DPP6: variants seen among roughly 807,000 people sequenced by gnomAD.
DPP6 encodes A-type potassium channel modulatory protein DPP6.
Under a neutral mutation model 122.6 loss-of-function variants are expected in DPP6, and 69 were observed. The observed-to-expected ratio is 0.56, with a 90% CI of 0.46 to 0.69. The LOEUF is 0.69. DPP6 is among the 30% of genes least tolerant of loss of function. The pLI, the probability that DPP6 is intolerant of heterozygous loss-of-function variation, is 0.00. For synonymous variants in DPP6, 418 were observed against 433.1 expected (o/e 0.97, Z 0.43); for missense variants, 928 against 1,116.9 (o/e 0.83, Z 2.41).
intron 7 of DPP6, among the ~76,000 whole-genome samples, chr7:154,699,785 T>A (rs1403131083): frequency 6.6e-6 from 1 of 152,232 alleles, no homozygotes; most frequent in Non-Finnish European, 1.5e-5. Context: ...GTTCTGCCCC[T>A]TATGGGCAGG....
chr7:154,792,970 C>A (rs1797782814), intron 10 of DPP6, among the ~76,000 whole-genome samples: 1 of 152,180 alleles, frequency 6.6e-6, no homozygotes, highest in Admixed American at 6.5e-5. Context: ...TTATTAAGAA[C>A]CTTGATTAAC....
At chr7:154,792,954 G>A (rs1797781886) in intron 10 of DPP6, among the ~76,000 whole-genome samples, 5 of 152,196 alleles carry the variant, frequency 3.3e-5, no homozygotes, top group Admixed American at 3.3e-4. Flanking sequence ...CCTGATTTAG[G>A]TCAAGTTATT....
At chr7:153,923,520 G>A (rs1332865127) in intron 1 of DPP6, among the ~76,000 whole-genome samples, 6 of 152,096 alleles carry the variant, frequency 3.9e-5, no homozygotes, top group African/African-American at 1.2e-4. Context: ...CCAGCACTTT[G>A]GGAGGCCAAG....
chr7:154,540,678 T>A, intron 4 of DPP6, 52 bp downstream of exon 4: 1 of 1,122,800 alleles, frequency 8.9e-7, no homozygotes, highest in Non-Finnish European at 1.3e-6. Context: ...TTCCTGCAAG[T>A]CAATAAAACA....
intron 1 of DPP6, among the ~76,000 whole-genome samples, chr7:154,178,122 A>G (rs1377641482): frequency 6.6e-6 from 1 of 152,218 alleles, no homozygotes; most frequent in African/African-American, 2.4e-5. Context: ...GTAAGTTGTC[A>G]TGACACTTCA....
At chr7:154,463,269 A>G (rs1449808447) in intron 2 of DPP6, among the ~76,000 whole-genome samples, 10 of 129,600 alleles carry the variant, frequency 7.7e-5, no homozygotes, top group Non-Finnish European at 1.2e-4. Flanking sequence ...GTGCAGTGGC[A>G]CGATCTCGAC....
At chr7:154,085,285 G>A (rs953441650) in intron 1 of DPP6, among the ~76,000 whole-genome samples, 9 of 151,848 alleles carry the variant, frequency 5.9e-5, no homozygotes, top group Non-Finnish European at 7.4e-5. Context: ...ATATCCCATC[G>A]CCACTCTCAA....
At chr7:154,865,273 T>TCATTTGACCCA (rs1402530065) in intron 17 of DPP6, 1 of 152,340 alleles carries the variant, frequency 6.6e-6, no homozygotes, top group Non-Finnish European at 1.5e-5. Flanking sequence ...GTCACTTCCA[T>TCATTTGACCCA]CATTTGACCC....
chr7:154,525,208 A>G (rs1228534316), intron 3 of DPP6, among the ~76,000 whole-genome samples: 1 of 152,228 alleles, frequency 6.6e-6, no homozygotes, highest in Admixed American at 6.5e-5. Flanking sequence ...CGGTGGCACA[A>G]TCATAGCTCA....
intron 3 of DPP6, among the ~76,000 whole-genome samples, chr7:154,539,355 T>C (rs917136130): frequency 2.6e-5 from 4 of 152,210 alleles, no homozygotes. Context: ...AGTCTACTCA[T>C]GTGCTTACTT....
intron 1 of DPP6, among the ~76,000 whole-genome samples, chr7:154,345,315 A>G (rs955975599): frequency 9.2e-5 from 14 of 152,144 alleles, no homozygotes; most frequent in African/African-American, 3.4e-4. Flanking sequence ...TTACCACCTG[A>G]TACCATCCCA....
intron 1 of DPP6, among the ~76,000 whole-genome samples, chr7:154,064,035 G>C (rs1180784005): frequency 6.6e-6 from 1 of 152,092 alleles, no homozygotes; most frequent in Non-Finnish European, 1.5e-5. Flanking sequence ...AGGAGTTATT[G>C]CAACCCAGCT....
chr7:154,604,275 G>A (rs1451717489), intron 5 of DPP6, among the ~76,000 whole-genome samples: 1 of 119,360 alleles, frequency 8.4e-6, no homozygotes, highest in Admixed American at 9.4e-5. Context: ...TTTCTCTTCT[G>A]TTCTATTTAT....
At chr7:154,667,024 C>A (rs977468662) in intron 6 of DPP6, among the ~76,000 whole-genome samples, 2 of 152,170 alleles carry the variant, frequency 1.3e-5, no homozygotes, top group Non-Finnish European at 2.9e-5. Context: ...TTTTCCAAGT[C>A]TCATAGGTGA....
chr7:154,112,251 G>C (rs1187222225), intron 1 of DPP6, among the ~76,000 whole-genome samples: 2 of 151,998 alleles, frequency 1.3e-5, no homozygotes, highest in East Asian at 3.9e-4. Context: ...GTGAAAGAGA[G>C]ATCAGATATC....
At chr7:154,634,419 T>C (rs11977581) in intron 5 of DPP6, among the ~76,000 whole-genome samples, 10,403 of 152,012 alleles carry the variant, frequency 0.068, 1,166 homozygotes, top group African/African-American at 0.24. Context: ...CATTGTTGGA[T>C]ATTTGGGTTG....
intron 6 of DPP6, among the ~76,000 whole-genome samples, chr7:154,639,042 G>A (rs1447281571): frequency 6.6e-6 from 1 of 152,184 alleles, no homozygotes; most frequent in African/African-American, 2.4e-5. Context: ...TTTAACAGCA[G>A]GAGTGGCTAG....
chr7:154,708,070 G>A (rs2131291904), intron 7 of DPP6, among the ~76,000 whole-genome samples: 1 of 152,348 alleles, frequency 6.6e-6, no homozygotes, highest in South Asian at 2.1e-4. Context: ...GGGCAAAATA[G>A]AGTCAGTATT....
At chr7:154,667,754 A>C (rs1019982589) in intron 6 of DPP6, among the ~76,000 whole-genome samples, 1 of 152,098 alleles carries the variant, frequency 6.6e-6, no homozygotes, top group African/African-American at 2.4e-5. Context: ...CGCAATGTTA[A>C]AAACTCATCT....
Sources: allele counts gnomAD v4.1 joint callset (sites outside exome capture counted in the v4.1 genomes callset), GRCh38; gene constraint gnomAD v4.1.1; transcripts MANE v1.5; gene names NCBI Gene and HGNC (gene_info 2026-07-23, HGNC 2026-07-21).